Variants in ZNF879 observed in about 807,000 individuals in gnomAD.
The protein encoded by ZNF879 is zinc finger protein 879.
Under a neutral mutation model 44.3 loss-of-function variants are expected in ZNF879, and 32 were observed. That is an observed-to-expected ratio of 0.72 (90% CI 0.54 to 0.97). ZNF879 has a LOEUF of 0.97. Among genes scored for constraint, ZNF879 ranks in the 50% least tolerant of loss-of-function variants. The pLI is 0.00. For missense variants in ZNF879, 621 were observed against 669.7 expected (o/e 0.93, Z 0.80); for synonymous variants, 234 against 233.2 (o/e 1.00, Z -0.03).
At position 179,027,406 on chromosome 5, in the gene ZNF879, G is replaced by A. The variant is rs190913688; in HGVS notation, c.34-67G>A. 3.8e-6 allele frequency: 6 copies of A among 1,591,604 alleles called. No homozygotes were observed. The African/African-American group carries it at 5.4e-5, about 14-fold the overall frequency. ...TACTTAGAACCCTAAGTTGTGACAGGGTTGCTTCTCAGTCTTCTCGTTGTG... is the reference window on the plus strand; with the variant it reads ...TACTTAGAACCCTAAGTTGTGACAGAGTTGCTTCTCAGTCTTCTCGTTGTG... On this transcript the variant is annotated intron_variant, in intron 2 of 4. Transcript: ENST00000444149.
chr5:179,033,259 C>T lies in ZNF879; in HGVS notation c.1311C>T (p.Phe437=). 1 of 1,587,208 alleles carries T rather than the reference C, an allele frequency of 6.3e-7. No individual in the cohort carries two copies. Among genetic ancestry groups the T allele is most frequent in the Non-Finnish European group, 8.6e-7 (1 of 1,166,524 alleles). ...AATGTAATGAATGTGGGAAAGCCTT[C>T]TCTTGGATTTCACGGCTTAATATAC... The part of the protein sequence containing the change: ...PYKCNECGKA[F]SWISRLNIHH... Residue 437 remains phenylalanine (F), a synonymous_variant, in exon 5 of 5, where the codon TTC becomes TTT. Coordinates refer to ENST00000444149, the MANE Select transcript of ZNF879 (RefSeq NM_001136116.3).
intron 2 of ZNF879, 81 bp downstream of exon 2, chr5:179,025,118 T>C: frequency 1.3e-6 from 2 of 1,485,266 alleles, no homozygotes; most frequent in East Asian, 2.5e-5. Flanking sequence ...TGAGCTTCTC[T>C]ACCCAGTGAA....
chr5:179,033,622 T>C lies in ZNF879; in HGVS notation c.1674T>C (p.His558=). The part of the protein sequence containing the change: ...AFSQSSSLTN[H]QRTHN ...GTCAGAGCTCATCTCTTACTAATCA[T>C]CAAAGGACTCATAATTGAGAAAAAC... The change falls in exon 5 of 5, where the codon CAT becomes CAC. Residue 558 remains histidine, a synonymous_variant. Coordinates refer to ENST00000444149, the MANE Select transcript of ZNF879 (RefSeq NM_001136116.3). 1 of 1,514,582 alleles carries C rather than the reference T, an allele frequency of 6.6e-7. No homozygotes were observed. The highest frequency in any genetic ancestry group is 8.8e-7 in the Non-Finnish European group (1 of 1,132,930). The allele number at this position is 1,514,582 out of a possible 1,614,324, so 93.8% of individuals were successfully genotyped here.
chr5:179,025,686 G>C (rs913774474), intron 2 of ZNF879, among the ~76,000 whole-genome samples: 1 of 152,098 alleles, frequency 6.6e-6, no homozygotes, highest in Admixed American at 6.5e-5. Context: ...GGAGGCCAAG[G>C]TGGGCAGATC....
Position 179,033,694 on chromosome 5 carries a change from C to A in ZNF879, c.*54C>A. 7.7e-7 allele frequency: 1 copy of A among 1,299,344 alleles called. No individual in the cohort carries two copies. Among genetic ancestry groups the A allele is most frequent in the Non-Finnish European group, 1.0e-6 (1 of 967,084 alleles). The allele number at this position is 1,299,344 out of a possible 1,614,324, so 80.5% of individuals were successfully genotyped here. On this transcript the variant is annotated 3_prime_UTR_variant, in exon 5 of 5. Coordinates refer to ENST00000444149, the MANE Select transcript of ZNF879 (RefSeq NM_001136116.3). ...TGAAGTTATATTCCATACTGAGTAT[C>A]AAAAAATTCATTGTGGGGAGAAAGT...
In ZNF879 at chr5:179,032,725, T is replaced by C. The variant is rs1301659083; in HGVS notation, c.777T>C (p.Pro259=). 6.4e-7 allele frequency: 1 copy of C among 1,555,762 alleles called. No individual in the cohort carries two copies. The highest frequency in any genetic ancestry group is 1.2e-5 in the South Asian group (1 of 84,332). ...QHLRVHTGEK[P]YICSECGKAF... Reference sequence around the variant, plus strand: ...TGAGGGTTCATACAGGAGAGAAACCTTATATATGTAGTGAATGTGGAAAAG... The same window carrying C: ...TGAGGGTTCATACAGGAGAGAAACCCTATATATGTAGTGAATGTGGAAAAG... Residue 259 remains proline, a synonymous_variant, in exon 5 of 5, where the codon CCT becomes CCC. Coordinates refer to ENST00000444149, the MANE Select transcript of ZNF879 (RefSeq NM_001136116.3).
chr5:179,031,541 C>T (rs1007024327), intron 4 of ZNF879, among the ~76,000 whole-genome samples: 2 of 152,206 alleles, frequency 1.3e-5, no homozygotes, highest in Non-Finnish European at 2.9e-5. Context: ...CCTATTCACT[C>T]TTATTACACA....
At position 179,033,750 on chromosome 5, in the gene ZNF879, T is replaced by A. The variant is rs1337029837; in HGVS notation, c.*110T>A. The A allele has an allele frequency of 1.4e-5, 11 of 789,126 alleles. No individual in the cohort carries two copies. Among genetic ancestry groups the A allele is most frequent in the Non-Finnish European group, 2.2e-5 (11 of 511,202 alleles). 48.9% of individuals were successfully genotyped at this position (789,126 alleles called of 1,614,324 possible). A position where few individuals can be genotyped will look rare whatever the true frequency, so the allele number is the denominator to read the frequency against. ...AGAGTAGTTAATCATAGGTAAAACT[T>A]CAGCATTAGACCTCATCACACATCA... On this transcript the variant is annotated 3_prime_UTR_variant, in exon 5 of 5. Coordinates refer to ENST00000444149, the MANE Select transcript of ZNF879 (RefSeq NM_001136116.3).
intron 3 of ZNF879, among the ~76,000 whole-genome samples, chr5:179,027,815 C>T: frequency 6.6e-6 from 1 of 152,264 alleles, no homozygotes; most frequent in East Asian, 1.9e-4. Context: ...GAGCTCTGTT[C>T]CCTGAGCCCC....
Position 179,033,073 on chromosome 5 carries a change from C to A in ZNF879, c.1125C>A (p.Asn375Lys). ...IHTGEKPFHC[N>K]ECGKVFSYHS... The stretch of plus-strand genomic sequence containing the variant: ...CTGGAGAGAAACCCTTTCATTGTAA[C>A]GAGTGTGGAAAAGTATTCAGCTATC... Residue 375 changes from asparagine to lysine, a missense_variant, in exon 5 of 5, where the codon AAC (asparagine) becomes AAA (lysine). By Grantham distance (94) the Asn-to-Lys change is moderately conservative. Transcript: ENST00000444149. 6.4e-7 allele frequency: 1 copy of A among 1,563,940 alleles called. No homozygotes were observed.
In ZNF879 at chr5:179,033,107, C is replaced by A; in HGVS notation, c.1159C>A (p.Leu387Ile). Residue 387 changes from leucine to isoleucine, a missense_variant, in exon 5 of 5, where the codon CTT becomes ATT. Coordinates refer to ENST00000444149, the MANE Select transcript of ZNF879 (RefSeq NM_001136116.3). The part of the protein sequence containing the change: ...CGKVFSYHSA[L>I]IIHQRIHTGE... ...AAAAGTATTCAGCTATCACTCAGCC[C>A]TTATCATACATCAGAGAATTCACAC... The A allele has an allele frequency of 6.3e-7, 1 of 1,576,750 alleles. No individual in the cohort carries two copies. The highest frequency in any genetic ancestry group is 1.4e-5 in the African/African-American group (1 of 73,696).
Position 179,032,760 on chromosome 5 carries a change from TCAC to T in ZNF879, c.816_818del (p.Thr273del), listed in dbSNP as rs1161308151. 2 of 1,554,022 alleles carry T rather than the reference TCAC, an allele frequency of 1.3e-6. No individual in the cohort carries two copies. The highest frequency in any genetic ancestry group is 2.7e-5 in the African/African-American group (2 of 73,132). ...AGTGAATGTGGAAAAGCCTTCAGTT[TCAC>T]CACATCTCTTATTGGACACCAGAGA... On this transcript the variant is annotated inframe_deletion, in exon 5 of 5. Transcript: ENST00000444149.
intron 4 of ZNF879, among the ~76,000 whole-genome samples, chr5:179,031,943 A>G (rs1761427208): frequency 6.6e-6 from 1 of 152,166 alleles, no homozygotes; most frequent in African/African-American, 2.4e-5. Context: ...GAAGGGCCTC[A>G]TAGCCTAGCG....
intron 3 of ZNF879, 68 bp from the exon 4 acceptor site, chr5:179,027,964 C>T (rs1761314988): frequency 7.3e-7 from 1 of 1,375,942 alleles, no homozygotes; most frequent in South Asian, 1.3e-5. Context: ...CCCCTCTGCC[C>T]TGGGCACTCT....
chr5:179,033,118 T>A lies in ZNF879; in HGVS notation c.1170T>A (p.His390Gln). The change falls in exon 5 of 5, where the codon CAT becomes CAA. Residue 390 changes from histidine (H) to glutamine (Q), a missense_variant. Coordinates refer to ENST00000444149, the MANE Select transcript of ZNF879 (RefSeq NM_001136116.3). ...VFSYHSALII[H>Q]QRIHTGEKPY... ...GCTATCACTCAGCCCTTATCATACA[T>A]CAGAGAATTCACACTGGTGAGAAAC... 2 of 1,580,328 alleles carry A rather than the reference T, an allele frequency of 1.3e-6. No homozygotes were observed. Among genetic ancestry groups the A allele is most frequent in the Non-Finnish European group, 1.7e-6 (2 of 1,163,004 alleles).
rs751554012 is a variant in ZNF879 at position 179,032,871 on chromosome 5, G to A, written c.923G>A (p.Arg308Gln). The A allele has an allele frequency of 1.5e-5, 23 of 1,568,114 alleles. No homozygotes were observed. The highest frequency in any genetic ancestry group is 9.5e-5 in the Admixed American group (5 of 52,636). ...KGSSSLNNHQ[R>Q]IHTGEKPYKC... ...AGTTCATCTCTTAATAATCACCAGC[G>A]AATTCACACAGGAGAGAAGCCCTAT... Residue 308 changes from arginine (R) to glutamine (Q), a missense_variant, in exon 5 of 5, where the codon CGA (arginine) becomes CAA (glutamine). By Grantham distance (43) the Arg-to-Gln change is conservative. Transcript: ENST00000444149.
At chr5:179,029,608 AAATT>A (rs1240113492) in intron 4 of ZNF879, among the ~76,000 whole-genome samples, 1 of 152,224 alleles carries the variant, frequency 6.6e-6, no homozygotes, top group Non-Finnish European at 1.5e-5. Flanking sequence ...GCATTTTTAA[AAATT>A]AATTATTTTA....
chr5:179,032,786 A>G lies in ZNF879; in HGVS notation c.838A>G (p.Arg280Gly). ...CACCACATCTCTTATTGGACACCAG[A>G]GAATGCATACTGGAGAGAGACCTTA... The part of the protein sequence containing the change: ...SFTTSLIGHQ[R>G]MHTGERPYKC... The change falls in exon 5 of 5, where the codon AGA (arginine) becomes GGA (glycine). Residue 280 changes from arginine (R) to glycine (G), a missense_variant. By Grantham distance (125) the Arg-to-Gly change is moderately radical. Transcript: ENST00000444149. The G allele has an allele frequency of 6.4e-7, 1 of 1,554,344 alleles. No homozygotes were observed. Among genetic ancestry groups the G allele is most frequent in the African/African-American group, 1.4e-5 (1 of 73,226 alleles).
At position 179,024,976 on chromosome 5, in the gene ZNF879, T is replaced by G; in HGVS notation, c.-29T>G. The G allele has an allele frequency of 3.9e-6, 6 of 1,551,382 alleles. No individual in the cohort carries two copies. The highest frequency in any genetic ancestry group is 2.4e-5 in the East Asian group (1 of 40,906). On this transcript the variant is annotated 5_prime_UTR_variant, in exon 2 of 5. Transcript: ENST00000444149. Reference sequence around the variant, plus strand: ...GCTTTTTTCTCCATTCCAGGTGCCTTCTCCAAGAGAGGCAGCAGGGAGGGA... The same window carrying G: ...GCTTTTTTCTCCATTCCAGGTGCCTGCTCCAAGAGAGGCAGCAGGGAGGGA...
Sources: gnomAD v4.1 joint callset for allele counts (sites outside exome capture counted in the v4.1 genomes callset) on GRCh38, gnomAD v4.1.1 for gene constraint, MANE v1.5 for transcripts, NCBI Gene and HGNC (gene_info 2026-07-23, HGNC 2026-07-21) for gene names.